Variants in HSPA12A observed in about 807,000 individuals in gnomAD.
The protein encoded by HSPA12A is heat shock 70 kDa protein 12A.
A neutral mutation model predicts 69.2 loss-of-function variants in HSPA12A; 28 were observed. That is an observed-to-expected ratio of 0.40 (90% CI 0.30 to 0.55). The LOEUF (loss-of-function observed/expected upper bound fraction) is 0.55, where lower values mean the gene tolerates loss of function less well. Ranked by LOEUF, HSPA12A falls within the 20% of genes least tolerant of loss-of-function variation. The probability of loss-of-function intolerance (pLI) is 0.38; values close to 1 mark genes in which losing one functional copy is unlikely to be tolerated. For missense variants in HSPA12A, 686 were observed against 900.7 expected (o/e 0.76, Z 3.05); for synonymous variants, 345 against 370.5 (o/e 0.93, Z 0.79).
At chr10:116,707,172 C>T (rs781851905) in intron 2 of HSPA12A, 28 bp downstream of exon 2, 5 of 1,537,482 alleles carry the variant, frequency 3.3e-6, no homozygotes, top group Non-Finnish European at 4.4e-6. Flanking sequence ...CACACACACA[C>T]ACACACACAC....
At chr10:116,748,810 C>A (rs1240821444) in intron 2 of HSPA12A, among the ~76,000 whole-genome samples, 2 of 152,170 alleles carry the variant, frequency 1.3e-5, no homozygotes, top group African/African-American at 4.8e-5. Context: ...CCAATTACCT[C>A]CCACTAGGTC....
chr10:116,725,013 G>A lies in HSPA12A; in HGVS notation c.40+17417C>T, dbSNP rs562899083. On this transcript the variant is annotated intron_variant, in intron 1 of 11. Coordinates refer to ENST00000369209, the MANE Select transcript of HSPA12A (RefSeq NM_025015.3). ...CCCAGAGGAGGAACCAGAAGCTCTG[G>A]AGGTGTTGAGACCTGCCCAAAGCCT... is the stretch of plus-strand genomic sequence containing the variant. 2.2e-4 allele frequency among the ~76,000 whole-genome samples: 34 copies of A among 152,312 alleles called. 1 individual carries two copies. Among genetic ancestry groups the A allele is most frequent in the African/African-American group, 7.5e-4 (31 of 41,566 alleles).
chr10:116,777,831 G>A (rs782110038), intron 2 of HSPA12A, among the ~76,000 whole-genome samples: 28 of 152,316 alleles, frequency 1.8e-4, no homozygotes, highest in African/African-American at 5.5e-4. Flanking sequence ...GGGTTCAAGC[G>A]ATTCTCCTGT....
chr10:116,781,069 T>A (rs577672078), intron 2 of HSPA12A, among the ~76,000 whole-genome samples: 1 of 152,082 alleles, frequency 6.6e-6, no homozygotes, highest in African/African-American at 2.4e-5. Flanking sequence ...GTTCAAAAAT[T>A]TTATGTTGCC....
chr10:116,681,719 A>G, intron 8 of HSPA12A, 72 bp downstream of exon 8: 1 of 1,381,290 alleles, frequency 7.2e-7, no homozygotes, highest in Non-Finnish European at 1.0e-6. Context: ...TGCAAAAGGG[A>G]CAAATGGGAA....
Position 116,755,151 on chromosome 10 carries a change from A to G in HSPA12A, c.92-47866T>C, listed in dbSNP as rs185302228. On this transcript the variant is annotated intron_variant, in intron 2 of 12. Transcript: ENST00000635765. ...GTATATTTAATAGAGATGAGGTTTC[A>G]CCATGTTGGCCAGCTGGTCTCAAAC... is the stretch of plus-strand genomic sequence containing the variant. Among the ~76,000 whole-genome samples, 1,039 of 152,122 alleles carry G rather than the reference A, an allele frequency of 6.8e-3. 10 individuals carry two copies. The highest frequency in any genetic ancestry group is 0.024 in the African/African-American group (985 of 41,512).
chr10:116,714,865 C>T lies in HSPA12A; in HGVS notation c.41-7580G>A, dbSNP rs139651246. 2.9e-3 allele frequency among the ~76,000 whole-genome samples: 438 copies of T among 152,342 alleles called. 2 individuals carry two copies. The highest frequency in any genetic ancestry group is 0.01 in the African/African-American group (420 of 41,578). On this transcript the variant is annotated intron_variant, in intron 1 of 11. Coordinates refer to ENST00000369209, the MANE Select transcript of HSPA12A (RefSeq NM_025015.3). The stretch of plus-strand genomic sequence containing the variant: ...ACATGCTGTTCCCCTGCCTAGCGTG[C>T]ATCCTGCTTCTACAGCAGGCAAATT...
intron 2 of HSPA12A, among the ~76,000 whole-genome samples, chr10:116,776,296 TCCA>T (rs1554891134): frequency 2.0e-5 from 3 of 152,174 alleles, no homozygotes; most frequent in African/African-American, 2.4e-5. Flanking sequence ...CAAAGCAGCC[TCCA>T]GCTCTTGGCC....
intron 1 of HSPA12A, among the ~76,000 whole-genome samples, chr10:116,711,535 T>C (rs967627437): frequency 3.9e-5 from 6 of 152,112 alleles, no homozygotes; most frequent in Non-Finnish European, 7.3e-5. Flanking sequence ...CCGTTCCAAG[T>C]AGATTAAATA....
chr10:116,703,716 TACCCTGCA>T (rs1484339474), intron 3 of HSPA12A, among the ~76,000 whole-genome samples: 2 of 152,226 alleles, frequency 1.3e-5, no homozygotes, highest in African/African-American at 4.8e-5. Flanking sequence ...CGAGGAGTCA[TACCCTGCA>T]AGAAGATCAT....
intron 1 of HSPA12A, among the ~76,000 whole-genome samples, chr10:116,716,628 C>T (rs781793877): frequency 1.3e-5 from 2 of 152,190 alleles, no homozygotes; most frequent in Non-Finnish European, 2.9e-5. Flanking sequence ...AGAATCAGGA[C>T]GGCTTTGGAA....
intron 2 of HSPA12A, among the ~76,000 whole-genome samples, chr10:116,800,186 G>C (rs1364021924): frequency 2.6e-5 from 4 of 152,164 alleles, no homozygotes; most frequent in African/African-American, 9.7e-5. Flanking sequence ...GATGGCTCTA[G>C]CTTCGGTACC....
chr10:116,742,649 C>T (rs1554887410), upstream of HSPA12A: 1 of 986,474 alleles, frequency 1.0e-6, no homozygotes, highest in East Asian at 9.8e-5. Context: ...CCCGGCCCGC[C>T]CGGCGCCCCG....
intron 2 of HSPA12A, chr10:116,829,099 A>AC (rs1845563764): frequency 6.6e-6 from 1 of 152,046 alleles, no homozygotes; most frequent in Non-Finnish European, 1.5e-5. Flanking sequence ...AATTGTAATA[A>AC]CCCCCACGTG....
chr10:116,734,867 G>A (rs1337776332), intron 1 of HSPA12A, among the ~76,000 whole-genome samples: 18 of 151,632 alleles, frequency 1.2e-4, no homozygotes, highest in African/African-American at 4.4e-4. Flanking sequence ...TGGTGGGCGA[G>A]TGTAGTCCCA....
At chr10:116,696,601 A>C (rs1849912179) in intron 5 of HSPA12A, among the ~76,000 whole-genome samples, 1 of 152,114 alleles carries the variant, frequency 6.6e-6, no homozygotes, top group African/African-American at 2.4e-5. Flanking sequence ...TATTAGCAGC[A>C]TTAGAACAGA....
chr10:116,791,376 T>C (rs1844697776), intron 2 of HSPA12A, among the ~76,000 whole-genome samples: 3 of 152,212 alleles, frequency 2.0e-5, no homozygotes, highest in Admixed American at 2.0e-4. Flanking sequence ...TAGGTTATTA[T>C]TCAGGAAAAA....
At chr10:116,796,162 A>AAT (rs1554893386) in intron 2 of HSPA12A, among the ~76,000 whole-genome samples, 3 of 131,666 alleles carry the variant, frequency 2.3e-5, no homozygotes, top group Non-Finnish European at 5.1e-5. Context: ...AAAAAAAAAA[A>AAT]AAAAGAAAGA....
chr10:116,720,924 C>T (rs1260329368), intron 1 of HSPA12A, among the ~76,000 whole-genome samples: 3 of 152,202 alleles, frequency 2.0e-5, no homozygotes, highest in Non-Finnish European at 4.4e-5. Context: ...ATGGGAACTG[C>T]CCAGGATGCA....
Sources: allele counts gnomAD v4.1 joint callset (sites outside exome capture counted in the v4.1 genomes callset), GRCh38; gene constraint gnomAD v4.1.1; transcripts MANE v1.5; gene names NCBI Gene and HGNC (gene_info 2026-07-23, HGNC 2026-07-21).